The following WDR72 variants were observed in gnomAD, a reference collection of about 807,000 sequenced individuals.
WDR72 encodes the protein WD repeat-containing protein 72.
WDR72 carries 120 observed loss-of-function variants against 124.2 expected under a neutral mutation model. The ratio of observed to expected loss-of-function variants is 0.97; its 90% CI spans 0.83 to 1.12. WDR72 has a LOEUF of 1.12. Ranked by LOEUF, WDR72 falls within the 50% of genes most tolerant of loss-of-function variation. The probability of loss-of-function intolerance (pLI) is 0.00; values close to 1 mark genes in which losing one functional copy is unlikely to be tolerated. For missense variants in WDR72, 1,387 were observed against 1,278.8 expected (o/e 1.08, Z -1.29); for synonymous variants, 452 against 441.7 (o/e 1.02, Z -0.29).
intron 18 of WDR72, among the ~76,000 whole-genome samples, chr15:53,556,698 G>A (rs12901825): frequency 0.76 from 116,217 of 152,014 alleles, 44,590 homozygotes; most frequent in Middle Eastern, 0.86. Context: ...TCTTGAATGG[G>A]TTCAATCCAC....
intron 18 of WDR72, among the ~76,000 whole-genome samples, chr15:53,531,931 C>A (rs1431983190): frequency 6.6e-6 from 1 of 151,910 alleles, no homozygotes; most frequent in African/African-American, 2.4e-5. Context: ...AAATGTTAGA[C>A]CAATTAGATT....
chr15:53,693,152 C>T (rs2016895483), intron 13 of WDR72, among the ~76,000 whole-genome samples: 1 of 152,094 alleles, frequency 6.6e-6, no homozygotes, highest in South Asian at 2.1e-4. Flanking sequence ...AGGAGAAAAC[C>T]AAGCAATATT....
intron 18 of WDR72, among the ~76,000 whole-genome samples, chr15:53,591,177 C>T (rs765726331): frequency 2.0e-5 from 3 of 151,988 alleles, no homozygotes; most frequent in Non-Finnish European, 2.9e-5. Context: ...CTATGTTAGG[C>T]ACCTCTTTGA....
Position 53,517,677 on chromosome 15 carries a change from G to T in WDR72, c.*22C>A. 1 of 1,611,624 alleles carries T rather than the reference G, an allele frequency of 6.2e-7. No homozygotes were observed. The stretch of plus-strand genomic sequence containing the variant: ...GGATTTCTTAATTTGTCCAAATTCA[G>T]CTCCTACTGATGAGATTCCATTTAA... On this transcript the variant is annotated 3_prime_UTR_variant, in exon 20 of 20. Transcript: ENST00000360509.
intron 18 of WDR72, among the ~76,000 whole-genome samples, chr15:53,595,657 G>T (rs550378061): frequency 1.3e-5 from 2 of 152,230 alleles, no homozygotes; most frequent in East Asian, 3.9e-4. Flanking sequence ...GGGAGAGGTG[G>T]AAGAAACCTA....
intron 13 of WDR72, among the ~76,000 whole-genome samples, chr15:53,694,867 A>G (rs192207009): frequency 1.5e-4 from 23 of 152,326 alleles, no homozygotes; most frequent in Admixed American, 1.0e-3. Context: ...AAGAACAATC[A>G]TCATTCTCAG....
At position 53,664,311 on chromosome 15, in the gene WDR72, A is replaced by G. The variant is rs144718594; in HGVS notation, c.1962+1261T>C. ...ATGCCAATTAAAGAATTGTCATTCT[A>G]GTTTATATACTCATTTTTTAGGTAT... On this transcript the variant is annotated intron_variant, in intron 14 of 19. Transcript: ENST00000360509. 1.0e-3 allele frequency among the ~76,000 whole-genome samples: 155 copies of G among 152,330 alleles called. 3 individuals are homozygous for G. The highest frequency in any genetic ancestry group is 3.5e-3 in the African/African-American group (146 of 41,584).
intron 14 of WDR72, among the ~76,000 whole-genome samples, chr15:53,663,531 G>A (rs115211300): frequency 0.015 from 2,216 of 152,216 alleles, 53 homozygotes; most frequent in African/African-American, 0.051. Flanking sequence ...TAGCTATGAA[G>A]CTCTTCAAGA....
At chr15:53,672,228 G>T (rs1595836854) in intron 13 of WDR72, among the ~76,000 whole-genome samples, 1 of 149,698 alleles carries the variant, frequency 6.7e-6, no homozygotes, top group East Asian at 2.0e-4. Context: ...CAAATAGACA[G>T]CATGTGGAGT....
At chr15:53,662,010 C>G (rs1181537475) in intron 14 of WDR72, among the ~76,000 whole-genome samples, 1 of 152,160 alleles carries the variant, frequency 6.6e-6, no homozygotes, top group Non-Finnish European at 1.5e-5. Context: ...AAGCAACTAA[C>G]CAACCAACAA....
At chr15:53,670,437 T>C (rs932258258) in intron 13 of WDR72, among the ~76,000 whole-genome samples, 1 of 152,192 alleles carries the variant, frequency 6.6e-6, no homozygotes, top group Admixed American at 6.5e-5. Flanking sequence ...CAGTTCAGCA[T>C]AACCCACAGC....
intron 18 of WDR72, among the ~76,000 whole-genome samples, chr15:53,562,386 T>C (rs887062150): frequency 6.6e-6 from 1 of 151,724 alleles, no homozygotes; most frequent in African/African-American, 2.4e-5. Context: ...ACCTCAAAGT[T>C]TAGTGTAAAT....
At chr15:53,568,748 C>T (rs1474780254) in intron 18 of WDR72, among the ~76,000 whole-genome samples, 2 of 152,100 alleles carry the variant, frequency 1.3e-5, no homozygotes, top group South Asian at 4.2e-4. Flanking sequence ...GGCCTATAGA[C>T]CATTTCATTC....
At chr15:53,596,793 T>C (rs189894268) in intron 18 of WDR72, among the ~76,000 whole-genome samples, 1 of 152,220 alleles carries the variant, frequency 6.6e-6, no homozygotes, top group African/African-American at 2.4e-5. Context: ...GCTCAGCTCT[T>C]GAAGAGATGA....
At chr15:53,674,610 C>T (rs2016101597) in intron 13 of WDR72, among the ~76,000 whole-genome samples, 1 of 152,124 alleles carries the variant, frequency 6.6e-6, no homozygotes, top group Non-Finnish European at 1.5e-5. Flanking sequence ...GATAAAGGTA[C>T]TTACCTTCAT....
chr15:53,592,915 A>C (rs1595780466), intron 18 of WDR72, among the ~76,000 whole-genome samples: 1 of 152,206 alleles, frequency 6.6e-6, no homozygotes, highest in Non-Finnish European at 1.5e-5. Context: ...AAGATAGCAA[A>C]GTAATCATTA....
intron 18 of WDR72, among the ~76,000 whole-genome samples, chr15:53,572,424 CCCTA>C (rs1032715646): frequency 3.7e-4 from 5 of 13,424 alleles, no homozygotes; most frequent in Non-Finnish European, 7.7e-4. Context: ...TATTTTTTTG[CCCTA>C]CCTATGATAT....
intron 2 of WDR72, among the ~76,000 whole-genome samples, chr15:53,727,556 A>T (rs1315817527): frequency 6.6e-6 from 1 of 152,178 alleles, no homozygotes; most frequent in Non-Finnish European, 1.5e-5. Context: ...TTTCCTGAGA[A>T]GTCCAGAAGG....
At chr15:53,585,956 C>A (rs1023433471) in intron 18 of WDR72, among the ~76,000 whole-genome samples, 6 of 152,044 alleles carry the variant, frequency 3.9e-5, no homozygotes, top group Non-Finnish European at 7.4e-5. Context: ...AATGTCTATT[C>A]CTATGTGAAG....
Sources: gnomAD v4.1 joint callset for allele counts (sites outside exome capture counted in the v4.1 genomes callset) on GRCh38, gnomAD v4.1.1 for gene constraint, MANE v1.5 for transcripts, NCBI Gene and HGNC (gene_info 2026-07-23, HGNC 2026-07-21) for gene names.